The following ZNF367 variants were observed in gnomAD, a reference collection of about 807,000 sequenced individuals.
ZNF367 encodes C2H2 zinc finger protein ZFF29.
A neutral mutation model predicts 31.8 loss-of-function variants in ZNF367; 11 were observed. The ratio of observed to expected loss-of-function variants is 0.35; its 90% confidence interval spans 0.22 to 0.57. ZNF367 has a LOEUF of 0.57. Among genes scored for constraint, ZNF367 ranks in the 20% least tolerant of loss-of-function variants. The pLI is 0.85. For missense variants in ZNF367, 353 were observed against 484.1 expected, an observed-to-expected ratio of 0.73 and a Z score of 2.54; for synonymous variants, 199 against 202.4, an observed-to-expected ratio of 0.98 and a Z score of 0.14.
chr9:96,405,406 C>T (rs1000084483), intron 1 of ZNF367, among the ~76,000 whole-genome samples: 2 of 149,126 alleles, frequency 1.3e-5, no homozygotes, highest in Admixed American at 6.7e-5. Context: ...TTTGCACCAA[C>T]GAGGTTATAC....
At chr9:96,400,392 CAAAAAAAA>C (rs57650386) in intron 1 of ZNF367, among the ~76,000 whole-genome samples, 1 of 71,898 alleles carries the variant, frequency 1.4e-5, no homozygotes, top group Non-Finnish European at 2.6e-5. Flanking sequence ...GACCCTGTCT[CAAAAAAAA>C]AAAAAAAAAA....
At chr9:96,416,308 G>C (rs893946700) in intron 1 of ZNF367, among the ~76,000 whole-genome samples, 5 of 151,582 alleles carry the variant, frequency 3.3e-5, no homozygotes, top group African/African-American at 7.3e-5. Context: ...GGATGGTCTT[G>C]ATCTCCTGAC....
At chr9:96,395,233 A>ATG (rs1831517012) in intron 2 of ZNF367, among the ~76,000 whole-genome samples, 1 of 151,948 alleles carries the variant, frequency 6.6e-6, no homozygotes, top group African/African-American at 2.4e-5. Context: ...ATTCTTCACT[A>ATG]TGTCTTCCAC....
Position 96,386,148 on chromosome 9 carries a change from T to TG in ZNF367, c.*2088_*2089insC, listed in dbSNP as rs1831407146. 6.6e-6 allele frequency: 1 copy of TG among 152,148 alleles called. No individual in the cohort carries two copies. 9.4% of individuals were successfully genotyped at this position (152,148 alleles called of 1,614,324 possible). ...CAATGTATTTTTCCAAGTATATAGC[T>TG]TATATCAAAAAGAACATTTTAAATG... On this transcript the variant is annotated 3_prime_UTR_variant, in exon 5 of 5. Coordinates refer to ENST00000375256, the MANE Select transcript of ZNF367 (RefSeq NM_153695.4).
rs189949605 is a variant in ZNF367, at chr9:96,389,985, C to T, written c.831-1526G>A. On this transcript the variant is annotated intron_variant, in intron 4 of 4. Coordinates refer to ENST00000375256, the MANE Select transcript of ZNF367 (RefSeq NM_153695.4). Reference sequence around the variant, plus strand: ...TAATGACGGGATTTTACCATGTTGACCAGGCTGGTCTTGATCTCCCGACCT... The same window carrying T: ...TAATGACGGGATTTTACCATGTTGATCAGGCTGGTCTTGATCTCCCGACCT... Among the ~76,000 whole-genome samples the T allele has an allele frequency of 5.8e-4, 86 of 147,090 alleles. 1 individual carries two copies. In the East Asian group the frequency reaches 0.014, roughly 24 times the overall value.
In ZNF367 at chr9:96,418,013, G is replaced by T. The variant is rs1297814947; in HGVS notation, c.20C>A (p.Ala7Glu). 1 of 1,386,372 alleles carries T rather than the reference G, an allele frequency of 7.2e-7. No homozygotes were observed. The highest frequency in any genetic ancestry group is 9.3e-7 in the Non-Finnish European group (1 of 1,077,116). The allele number at this position is 1,386,372 out of a possible 1,614,324, so 85.9% of individuals were successfully genotyped here. Residue 7 changes from alanine (A) to glutamate (E), a missense_variant, in exon 1 of 5, where the codon GCG becomes GAG. Transcript: ENST00000375256. MIRGFEAPMAENPPPPP... is the reference protein window; with the variant it reads MIRGFEEPMAENPPPPP... ...CGGCGGCGGGTTCTCCGCCATGGGC[G>T]CCTCGAAGCCCCGGATCATCGCCCG...
intron 1 of ZNF367, among the ~76,000 whole-genome samples, chr9:96,401,775 C>T (rs1831607281): frequency 6.6e-6 from 1 of 151,824 alleles, no homozygotes; most frequent in Non-Finnish European, 1.5e-5. Flanking sequence ...TTGCAGTAAG[C>T]CAAGATTGCG....
chr9:96,388,397 T>C lies in ZNF367; in HGVS notation c.893A>G (p.Asp298Gly), dbSNP rs1367163943. The change falls in exon 5 of 5, where the codon GAT becomes GGT. Residue 298 changes from aspartate (D) to glycine (G), a missense_variant. Physicochemically the swap from Asp to Gly is moderately conservative, Grantham distance 94 (BLOSUM62 -1). This residue lies in a region of ZNF367 where 101 missense variants were observed against 140.0 expected (regional missense o/e 0.72). Transcript: ENST00000375256. ...TTCCAGAGGGTCCTGCTGCTCCTGATCAGCCTTCTGAACCAGCTTGCCTTT... is the reference window on the plus strand; with the variant it reads ...TTCCAGAGGGTCCTGCTGCTCCTGACCAGCCTTCTGAACCAGCTTGCCTTT... ...TLKGKLVQKA[D>G]QEQQDPLEYL... 6.2e-7 allele frequency: 1 copy of C among 1,614,084 alleles called. No homozygotes were observed. The highest frequency in any genetic ancestry group is 8.5e-7 in the Non-Finnish European group (1 of 1,180,050).
In ZNF367 at chr9:96,417,996, G is replaced by A; in HGVS notation, c.37C>T (p.Pro13Ser). 2 of 1,422,270 alleles carry A rather than the reference G, an allele frequency of 1.4e-6. No homozygotes were observed. The highest frequency in any genetic ancestry group is 1.8e-6 in the Non-Finnish European group (2 of 1,096,266). The allele number at this position is 1,422,270 out of a possible 1,614,324, so 88.1% of individuals were successfully genotyped here. A position where few individuals can be genotyped will look rare whatever the true frequency, so the allele number is the denominator to read the frequency against. The part of the protein sequence containing the change: ...RGFEAPMAEN[P>S]PPPPPPVIFC... The stretch of plus-strand genomic sequence containing the variant: ...ATGACGGGCGGCGGCGGCGGCGGCG[G>A]GTTCTCCGCCATGGGCGCCTCGAAG... The change falls in exon 1 of 5, where the codon CCG becomes TCG. Residue 13 changes from proline to serine, a missense_variant. Physicochemically the swap from Pro to Ser is moderately conservative, Grantham distance 74. Transcript: ENST00000375256. The surrounding 1 kb of genome is among the most constrained non-coding windows in gnomAD (Gnocchi z 5.0).
intron 1 of ZNF367, among the ~76,000 whole-genome samples, chr9:96,415,025 C>T (rs1340750053): frequency 6.6e-6 from 1 of 150,962 alleles, no homozygotes; most frequent in Non-Finnish European, 1.5e-5. Flanking sequence ...AAATGGTTAA[C>T]ACAAAAATAC....
chr9:96,414,546 C>T (rs957238455), intron 1 of ZNF367, among the ~76,000 whole-genome samples: 2 of 152,058 alleles, frequency 1.3e-5, no homozygotes, highest in Non-Finnish European at 2.9e-5. Flanking sequence ...TGCACGATCT[C>T]GGCTCACTGC....
chr9:96,416,742 T>C (rs1307183631), intron 1 of ZNF367, among the ~76,000 whole-genome samples: 1 of 152,232 alleles, frequency 6.6e-6, no homozygotes, highest in African/African-American at 2.4e-5. Flanking sequence ...GCACCTTTAT[T>C]GAGCATTTAC....
intron 1 of ZNF367, among the ~76,000 whole-genome samples, chr9:96,405,301 C>T (rs1587746663): frequency 1.1e-5 from 1 of 87,970 alleles, no homozygotes; most frequent in Non-Finnish European, 2.1e-5. Context: ...GCCAACTAAG[C>T]AAAACTCTGT....
At chr9:96,390,570 T>G (rs1831460064) in intron 4 of ZNF367, among the ~76,000 whole-genome samples, 1 of 152,142 alleles carries the variant, frequency 6.6e-6, no homozygotes, top group Non-Finnish European at 1.5e-5. Context: ...TGTCATAACT[T>G]GGTCACTGAG....
Position 96,415,479 on chromosome 9 carries a change from A to ATTTT in ZNF367, c.420+2130_420+2133dup, listed in dbSNP as rs56349404. ...CAACGCTTCTATCGTTAGTTTCTTC[A>ATTTT]TTTTTTTTTTTTTTTTTTTTTTTTT... On this transcript the variant is annotated intron_variant, in intron 1 of 4. Coordinates refer to ENST00000375256, the MANE Select transcript of ZNF367 (RefSeq NM_153695.4). Among the ~76,000 whole-genome samples the ATTTT allele has an allele frequency of 1.9e-4, 7 of 37,756 alleles. 2 individuals carry two copies. The highest frequency in any genetic ancestry group is 1.3e-3 in the Admixed American group (3 of 2,362). The allele number at this position is 37,756 out of a possible 152,430, so 24.8% of individuals were successfully genotyped here. A position where few individuals can be genotyped will look rare whatever the true frequency, so the allele number is the denominator to read the frequency against.
Position 96,386,658 on chromosome 9 carries a change from T to G in ZNF367, c.*1579A>C, listed in dbSNP as rs1161283096. On this transcript the variant is annotated 3_prime_UTR_variant, in exon 5 of 5. Transcript: ENST00000375256. ...AGAGGAATTACATTTTTAAAGTATGTCCTCATCATACACATTATTCGTAAC... is the reference window on the plus strand; with the variant it reads ...AGAGGAATTACATTTTTAAAGTATGGCCTCATCATACACATTATTCGTAAC... 1.3e-5 allele frequency: 2 copies of G among 152,224 alleles called. No individual in the cohort carries two copies. Among genetic ancestry groups the G allele is most frequent in the Non-Finnish European group, 2.9e-5 (2 of 68,036 alleles). The allele number at this position is 152,224 out of a possible 1,614,324, so 9.4% of individuals were successfully genotyped here.
In ZNF367 at chr9:96,387,870, T is replaced by A. The variant is rs1831423581; in HGVS notation, c.*367A>T. The A allele has an allele frequency of 5.1e-6, 1 of 196,916 alleles. No homozygotes were observed. Among genetic ancestry groups the A allele is most frequent in the Non-Finnish European group, 1.0e-5 (1 of 97,970 alleles). 12.2% of individuals were successfully genotyped at this position (196,916 alleles called of 1,614,324 possible). Reference sequence around the variant, plus strand: ...ATCTTATAAATAATCTGTTTTAATCTTCTTTGGCTATTTGTACCATTCTGT... The same window carrying A: ...ATCTTATAAATAATCTGTTTTAATCATCTTTGGCTATTTGTACCATTCTGT... On this transcript the variant is annotated 3_prime_UTR_variant, in exon 5 of 5. Transcript: ENST00000375256.
intron 1 of ZNF367, among the ~76,000 whole-genome samples, chr9:96,416,135 T>G (rs1294717458): frequency 6.7e-6 from 1 of 149,124 alleles, no homozygotes; most frequent in Non-Finnish European, 1.5e-5. Context: ...TTGCACAGGC[T>G]GGAGCGCAGT....
At chr9:96,401,323 C>G (rs959573336) in intron 1 of ZNF367, among the ~76,000 whole-genome samples, 1 of 151,944 alleles carries the variant, frequency 6.6e-6, no homozygotes, top group Non-Finnish European at 1.5e-5. Flanking sequence ...GTCAGGAGCT[C>G]GAGACCGGCC....
Sources: gnomAD v4.1 joint callset for allele counts (sites outside exome capture counted in the v4.1 genomes callset) on GRCh38, gnomAD v4.1.1 for gene constraint, gnomAD v4.1.1 regional missense constraint, Gnocchi (gnomAD v3.1) non-coding constraint, MANE v1.5 for transcripts, NCBI Gene and HGNC (gene_info 2026-07-23, HGNC 2026-07-21) for gene names.